MAN1A2: variants seen among roughly 807,000 people sequenced by gnomAD.
The protein encoded by MAN1A2 is mannosyl-oligosaccharide 1,2-alpha-mannosidase IB.
MAN1A2 carries 26 observed loss-of-function variants against 75.7 expected under a neutral mutation model. The ratio of observed to expected loss-of-function variants is 0.34; its 90% CI spans 0.25 to 0.48. The LOEUF is 0.48. Ranked by LOEUF, MAN1A2 falls within the 20% of genes least tolerant of loss-of-function variation. The probability of loss-of-function intolerance (pLI) is 0.99; values close to 1 mark genes in which losing one functional copy is unlikely to be tolerated. For synonymous variants in MAN1A2, 247 were observed against 264.6 expected, an observed-to-expected ratio of 0.93 and a Z score of 0.65; for missense variants, 562 against 775.5, an observed-to-expected ratio of 0.72 and a Z score of 3.27.
chr1:117,436,124 AC>A (rs370538894), intron 5 of MAN1A2, among the ~76,000 whole-genome samples: 2 of 152,212 alleles, frequency 1.3e-5, no homozygotes, highest in Admixed American at 6.5e-5. Context: ...CCATCTAGTT[AC>A]TTGAACAGAG....
chr1:117,414,150 T>C (rs1188722608), intron 3 of MAN1A2, among the ~76,000 whole-genome samples: 1 of 151,906 alleles, frequency 6.6e-6, no homozygotes, highest in African/African-American at 2.4e-5. Flanking sequence ...GATGGTTTCC[T>C]TTTTTCAATT....
At chr1:117,492,715 A>C (rs931285345) in intron 8 of MAN1A2, among the ~76,000 whole-genome samples, 5 of 152,058 alleles carry the variant, frequency 3.3e-5, no homozygotes, top group Non-Finnish European at 7.4e-5. Context: ...AGGAATTACC[A>C]TTAACCATTG....
chr1:117,521,365 A>G (rs1353057793), intron 12 of MAN1A2, among the ~76,000 whole-genome samples: 1 of 152,086 alleles, frequency 6.6e-6, no homozygotes, highest in African/African-American at 2.4e-5. Flanking sequence ...CAGCAGAGTG[A>G]ACAGACAACC....
chr1:117,466,311 A>T, intron 7 of MAN1A2, 23 bp from the exon 8 acceptor site: 1 of 1,468,382 alleles, frequency 6.8e-7, no homozygotes, highest in Non-Finnish European at 9.4e-7. Flanking sequence ...TATTAATTGC[A>T]TTCTTAATTT....
At chr1:117,450,918 CGA>C (rs1649392968) in intron 6 of MAN1A2, among the ~76,000 whole-genome samples, 1 of 152,128 alleles carries the variant, frequency 6.6e-6, no homozygotes, top group South Asian at 2.1e-4. Context: ...AGGGGAGGGC[CGA>C]AGGGAAATGT....
intron 1 of MAN1A2, among the ~76,000 whole-genome samples, chr1:117,379,207 A>G (rs1024614493): frequency 1.3e-5 from 2 of 151,742 alleles, no homozygotes; most frequent in African/African-American, 2.4e-5. Context: ...ATGGGTATCT[A>G]GTTGTCCCTG....
intron 7 of MAN1A2, among the ~76,000 whole-genome samples, chr1:117,464,839 C>T (rs1167518976): frequency 6.6e-6 from 1 of 151,976 alleles, no homozygotes; most frequent in Non-Finnish European, 1.5e-5. Context: ...TGGACTCTTA[C>T]CTGGTGTTTT....
intron 1 of MAN1A2, among the ~76,000 whole-genome samples, chr1:117,379,863 A>G (rs551387055): frequency 1.3e-5 from 2 of 152,210 alleles, no homozygotes; most frequent in East Asian, 3.9e-4. Context: ...GTTTGTATAT[A>G]TGTGATTTGT....
In MAN1A2 at chr1:117,405,330, G is replaced by T. The variant is rs186872984; in HGVS notation, c.559-219G>T. ...AACAAATATGTACCTCCTGAAGAAAGAAGACTTTTCTATTATGCCCATTTT... is the reference window on the plus strand; with the variant it reads ...AACAAATATGTACCTCCTGAAGAAATAAGACTTTTCTATTATGCCCATTTT... On this transcript the variant is annotated intron_variant, in intron 2 of 12. Coordinates refer to ENST00000356554, the MANE Select transcript of MAN1A2 (RefSeq NM_006699.5). 1.0e-3 allele frequency among the ~76,000 whole-genome samples: 154 copies of T among 152,130 alleles called. 3 individuals are homozygous for T. In the East Asian group the frequency reaches 0.022, roughly 22 times the overall value.
intron 8 of MAN1A2, among the ~76,000 whole-genome samples, chr1:117,469,937 A>G (rs1650095505): frequency 6.6e-6 from 1 of 152,142 alleles, no homozygotes; most frequent in Non-Finnish European, 1.5e-5. Context: ...ACATAGAATT[A>G]CCATATGACC....
rs188900960 is a variant in MAN1A2 at position 117,513,313 on chromosome 1, G to A, written c.1794-9512G>A. 1.7e-3 allele frequency among the ~76,000 whole-genome samples: 265 copies of A among 152,228 alleles called. 4 individuals carry two copies. The highest frequency in any genetic ancestry group is 2.7e-3 in the East Asian group (14 of 5,178). On this transcript the variant is annotated intron_variant, in intron 12 of 12. Coordinates refer to ENST00000356554, the MANE Select transcript of MAN1A2 (RefSeq NM_006699.5). ...TGTACACTTTAAAATGGTTAAGGTG[G>A]TAAATTTTATGTTACGTGGCTTTCA...
chr1:117,427,632 T>G lies in MAN1A2; in HGVS notation c.855+6983T>G, dbSNP rs1223376433. Reference sequence around the variant, plus strand: ...TGGACCTGAATTTCAAGAAGCTAAGTAGATCCTAAACATGATAAATACCAA... The same window carrying G: ...TGGACCTGAATTTCAAGAAGCTAAGGAGATCCTAAACATGATAAATACCAA... On this transcript the variant is annotated intron_variant, in intron 5 of 12. Transcript: ENST00000356554. Among the ~76,000 whole-genome samples, 5 of 152,326 alleles carry G rather than the reference T, an allele frequency of 3.3e-5. No individual in the cohort carries two copies. The East Asian group carries it at 9.6e-4, about 29-fold the overall frequency.
intron 8 of MAN1A2, among the ~76,000 whole-genome samples, chr1:117,466,754 G>A (rs61805799): frequency 0.12 from 18,313 of 152,158 alleles, 1,188 homozygotes; most frequent in Non-Finnish European, 0.14. Flanking sequence ...TTAGGAGAGG[G>A]AGGTAGAGGA....
intron 1 of MAN1A2, among the ~76,000 whole-genome samples, chr1:117,378,080 C>T (rs540098505): frequency 6.6e-5 from 10 of 151,950 alleles, no homozygotes; most frequent in Admixed American, 3.9e-4. Flanking sequence ...CCAGCCTGGG[C>T]GACGGAGTGA....
In MAN1A2 at chr1:117,387,429, A is replaced by G. The variant is rs112638458; in HGVS notation, c.303-14757A>G. ...ACTGATAGTGATTGTTATGATTTCA[A>G]TTGGGTGGTGCTGACAGTATGTGGT... On this transcript the variant is annotated intron_variant, in intron 1 of 12. Coordinates refer to ENST00000356554, the MANE Select transcript of MAN1A2 (RefSeq NM_006699.5). 8.0e-4 allele frequency among the ~76,000 whole-genome samples: 121 copies of G among 152,144 alleles called. 4 individuals are homozygous for G. Among genetic ancestry groups the G allele is most frequent in the Non-Finnish European group, 2.4e-4 (16 of 68,012 alleles).
intron 5 of MAN1A2, among the ~76,000 whole-genome samples, chr1:117,427,469 A>G (rs1432095124): frequency 2.0e-5 from 3 of 152,242 alleles, no homozygotes; most frequent in African/African-American, 7.2e-5. Flanking sequence ...TTAAATATTT[A>G]TTAAAAATGA....
chr1:117,478,825 A>T (rs1650400329), intron 8 of MAN1A2, among the ~76,000 whole-genome samples: 1 of 151,798 alleles, frequency 6.6e-6, no homozygotes, highest in South Asian at 2.1e-4. Flanking sequence ...ATTTATTATA[A>T]ATGAAGTCAA....
intron 1 of MAN1A2, among the ~76,000 whole-genome samples, chr1:117,400,302 G>C (rs1249340200): frequency 6.7e-6 from 1 of 150,084 alleles, no homozygotes; most frequent in African/African-American, 2.5e-5. Context: ...TCTCTTATCA[G>C]CACCTTTTCA....
At chr1:117,403,974 A>G (rs944150677) in intron 2 of MAN1A2, among the ~76,000 whole-genome samples, 15 of 152,186 alleles carry the variant, frequency 9.9e-5, no homozygotes, top group African/African-American at 3.1e-4. Flanking sequence ...GAGTTTTATC[A>G]TGAATGAGTG....
Sources: gnomAD v4.1 joint callset for allele counts (sites outside exome capture counted in the v4.1 genomes callset) on GRCh38, gnomAD v4.1.1 for gene constraint, MANE v1.5 for transcripts, NCBI Gene and HGNC (gene_info 2026-07-23, HGNC 2026-07-21) for gene names.